FRAS1: variants seen among roughly 807,000 people sequenced by gnomAD.
FRAS1 encodes extracellular matrix organizing protein FRAS1.
In FRAS1, 290 loss-of-function variants were observed where a neutral mutation model predicts 435.2. The ratio of observed to expected loss-of-function variants is 0.67; its 90% CI spans 0.61 to 0.73. The LOEUF is 0.73. FRAS1 is among the 30% of genes least tolerant of loss of function. The probability of loss-of-function intolerance (pLI) is 0.00; values close to 1 mark genes in which losing one functional copy is unlikely to be tolerated. For synonymous variants in FRAS1, 1,800 were observed against 1,851.0 expected (o/e 0.97, Z 0.71); for missense variants, 4,860 against 5,001.5 (o/e 0.97, Z 0.85).
chr4:78,194,892 T>C (rs898578468), intron 2 of FRAS1, among the ~76,000 whole-genome samples: 4 of 152,204 alleles, frequency 2.6e-5, no homozygotes, highest in African/African-American at 9.6e-5. Flanking sequence ...TTTTTCCCCA[T>C]CTTTGTGGTT....
intron 27 of FRAS1, among the ~76,000 whole-genome samples, chr4:78,380,918 T>C (rs1345278414): frequency 6.6e-6 from 1 of 152,152 alleles, no homozygotes; most frequent in Non-Finnish European, 1.5e-5. Flanking sequence ...ATTATAGGAA[T>C]AAGAACAACT....
intron 18 of FRAS1, among the ~76,000 whole-genome samples, chr4:78,328,184 T>C (rs1398284404): frequency 6.6e-6 from 1 of 152,198 alleles, no homozygotes; most frequent in African/African-American, 2.4e-5. Context: ...AATTGAAAAA[T>C]AACCTTTGTG....
At chr4:78,433,550 T>G (rs867146778) in intron 38 of FRAS1, among the ~76,000 whole-genome samples, 1 of 152,206 alleles carries the variant, frequency 6.6e-6, no homozygotes, top group African/African-American at 2.4e-5. Context: ...AGATCAAGCA[T>G]TAGCCTGGGA....
intron 2 of FRAS1, among the ~76,000 whole-genome samples, chr4:78,148,125 A>T (rs1386238825): frequency 6.6e-6 from 1 of 152,090 alleles, no homozygotes; most frequent in Non-Finnish European, 1.5e-5. Context: ...ATGAGGAGTT[A>T]TTTGGGATTG....
intron 69 of FRAS1, among the ~76,000 whole-genome samples, chr4:78,524,137 A>G (rs373287822): frequency 6.6e-6 from 1 of 152,144 alleles, no homozygotes; most frequent in Non-Finnish European, 1.5e-5. Flanking sequence ...TCATTATCTT[A>G]TGATGGTCTA....
intron 2 of FRAS1, among the ~76,000 whole-genome samples, chr4:78,117,787 A>G (rs1276874266): frequency 2.6e-5 from 4 of 152,220 alleles, no homozygotes; most frequent in Non-Finnish European, 5.9e-5. Context: ...TTCCTCCTTT[A>G]GCTCGGAGTA....
chr4:78,138,018 G>T (rs922464979), intron 2 of FRAS1, among the ~76,000 whole-genome samples: 2 of 152,212 alleles, frequency 1.3e-5, no homozygotes, highest in Admixed American at 1.3e-4. Flanking sequence ...GGTGCACCCA[G>T]TGTGCACTGG....
chr4:78,409,253 A>G (rs1733230016), intron 31 of FRAS1, among the ~76,000 whole-genome samples: 1 of 151,806 alleles, frequency 6.6e-6, no homozygotes, highest in Admixed American at 6.6e-5. Context: ...CACTTGGAAT[A>G]TTTTAAATGG....
chr4:78,518,878 T>C (rs1721298866), intron 66 of FRAS1, among the ~76,000 whole-genome samples: 1 of 152,202 alleles, frequency 6.6e-6, no homozygotes, highest in Non-Finnish European at 1.5e-5. Context: ...CCCAGGCGTC[T>C]GGATGTGGGC....
chr4:78,375,570 G>C (rs1337279746), intron 25 of FRAS1, among the ~76,000 whole-genome samples, 169 bp from the exon 26 acceptor site: 2 of 152,194 alleles, frequency 1.3e-5, no homozygotes, highest in Non-Finnish European at 2.9e-5. Context: ...GTTCCTCTCT[G>C]TAGATCAGCT....
intron 61 of FRAS1, among the ~76,000 whole-genome samples, chr4:78,505,355 A>G (rs1720801405): frequency 1.3e-5 from 2 of 152,224 alleles, no homozygotes; most frequent in Admixed American, 1.3e-4. Flanking sequence ...CATCATTTTC[A>G]GGTACACCAA....
chr4:78,291,029 G>A (rs1383616360), intron 14 of FRAS1, among the ~76,000 whole-genome samples: 1 of 152,158 alleles, frequency 6.6e-6, no homozygotes, highest in Admixed American at 6.5e-5. Context: ...GCCTCCCAAA[G>A]TGCTGGGATT....
chr4:78,306,192 C>T (rs911027663), intron 14 of FRAS1, among the ~76,000 whole-genome samples: 7 of 151,826 alleles, frequency 4.6e-5, no homozygotes, highest in Non-Finnish European at 1.0e-4. Flanking sequence ...ATATTGGCCC[C>T]CACTCTCTTC....
chr4:78,236,747 T>C (rs759887213), intron 2 of FRAS1, among the ~76,000 whole-genome samples: 20 of 152,206 alleles, frequency 1.3e-4, no homozygotes, highest in Non-Finnish European at 2.8e-4. Flanking sequence ...AGGGAAGGAA[T>C]TTCTGAGACC....
intron 53 of FRAS1, among the ~76,000 whole-genome samples, chr4:78,474,769 C>A (rs1223031554): frequency 6.6e-6 from 1 of 152,174 alleles, no homozygotes; most frequent in East Asian, 1.9e-4. Context: ...AAACAAAGCC[C>A]AGCTCATGCC....
At chr4:78,148,990 G>A (rs186540051) in intron 2 of FRAS1, among the ~76,000 whole-genome samples, 5 of 152,308 alleles carry the variant, frequency 3.3e-5, no homozygotes, top group Non-Finnish European at 7.4e-5. Context: ...GACAAAGAGT[G>A]TAATTCATAG....
chr4:78,182,141 C>T, intron 2 of FRAS1: 2 of 861,664 alleles, frequency 2.3e-6, no homozygotes, highest in South Asian at 4.0e-5. Context: ...ATGGCCGGGC[C>T]AAGATGGAAG....
intron 29 of FRAS1, among the ~76,000 whole-genome samples, chr4:78,394,353 G>C (rs1180134611): frequency 6.6e-6 from 1 of 151,920 alleles, no homozygotes; most frequent in Non-Finnish European, 1.5e-5. Context: ...CAGGTCTTCT[G>C]TTTAAGTCTT....
intron 9 of FRAS1, among the ~76,000 whole-genome samples, chr4:78,277,029 C>A (rs552305225): frequency 2.0e-4 from 31 of 152,288 alleles, no homozygotes; most frequent in Non-Finnish European, 3.8e-4. Flanking sequence ...CACCCCTCCC[C>A]CAGCCTCACT....
Sources: gnomAD v4.1 joint callset for allele counts (sites outside exome capture counted in the v4.1 genomes callset) on GRCh38, gnomAD v4.1.1 for gene constraint, MANE v1.5 for transcripts, NCBI Gene and HGNC (gene_info 2026-07-23, HGNC 2026-07-21) for gene names.